FGGY: variants seen among roughly 807,000 people sequenced by gnomAD.
FGGY encodes FGGY carbohydrate kinase domain-containing protein.
Under a neutral mutation model 71.3 loss-of-function variants are expected in FGGY, and 72 were observed. The observed-to-expected ratio is 1.01, with a 90% CI of 0.84 to 1.23. The LOEUF is 1.23. Ranked by LOEUF, FGGY falls within the 50% of genes most tolerant of loss-of-function variation. The pLI is 0.00. For synonymous variants in FGGY, 251 were observed against 250.3 expected (o/e 1.00, Z -0.02); for missense variants, 668 against 682.3 (o/e 0.98, Z 0.23).
intron 7 of FGGY, among the ~76,000 whole-genome samples, chr1:59,527,002 G>A (rs914781166): frequency 1.3e-5 from 2 of 152,174 alleles, no homozygotes; most frequent in African/African-American, 2.4e-5. Context: ...GAATGTAAAA[G>A]GCCTTAAATT....
At chr1:59,627,412 A>C (rs2096866753) in intron 10 of FGGY, among the ~76,000 whole-genome samples, 1 of 144,976 alleles carries the variant, frequency 6.9e-6, no homozygotes, top group African/African-American at 2.5e-5. Context: ...GAAAAGGAGA[A>C]GGTTAGAATG....
intron 6 of FGGY, among the ~76,000 whole-genome samples, chr1:59,459,963 C>A (rs946687913): frequency 4.6e-5 from 7 of 152,012 alleles, no homozygotes; most frequent in South Asian, 4.2e-4. Flanking sequence ...TTATTTGGGA[C>A]CAGGGAAGCC....
chr1:59,580,391 G>A (rs979179081), intron 8 of FGGY, among the ~76,000 whole-genome samples: 14 of 151,944 alleles, frequency 9.2e-5, no homozygotes, highest in Admixed American at 2.0e-4. Flanking sequence ...TTTACCCCCC[G>A]CCTTGTTACA....
chr1:59,727,147 G>C (rs576113341), intron 14 of FGGY, among the ~76,000 whole-genome samples: 1 of 152,220 alleles, frequency 6.6e-6, no homozygotes, highest in East Asian at 1.9e-4. Flanking sequence ...GTGGTATTTG[G>C]TTTTCTGTTC....
At chr1:59,305,491 A>G (rs2043312065) in intron 1 of FGGY, among the ~76,000 whole-genome samples, 1 of 152,072 alleles carries the variant, frequency 6.6e-6, no homozygotes, top group Non-Finnish European at 1.5e-5. Context: ...ATCTGTGTTC[A>G]TTGTGGATAT....
At chr1:59,325,710 G>T (rs1357101669) in intron 2 of FGGY, among the ~76,000 whole-genome samples, 1 of 152,188 alleles carries the variant, frequency 6.6e-6, no homozygotes, top group Non-Finnish European at 1.5e-5. Context: ...TAAAAACAAA[G>T]AGACAAAATC....
chr1:59,351,314 A>G (rs756878076), intron 4 of FGGY, among the ~76,000 whole-genome samples: 16 of 152,172 alleles, frequency 1.1e-4, no homozygotes, highest in Non-Finnish European at 2.2e-4. Flanking sequence ...TTTCACCTAC[A>G]GTGTTCTTCC....
chr1:59,420,414 G>T (rs1048214474), intron 5 of FGGY, among the ~76,000 whole-genome samples: 1 of 152,194 alleles, frequency 6.6e-6, no homozygotes, highest in African/African-American at 2.4e-5. Context: ...TACTTCCCAC[G>T]TGTTGTGAAA....
chr1:59,532,316 C>T (rs1178146330), intron 7 of FGGY, among the ~76,000 whole-genome samples: 1 of 151,750 alleles, frequency 6.6e-6, no homozygotes, highest in Non-Finnish European at 1.5e-5. Context: ...AGCCAGTATA[C>T]AAAAGGATGG....
chr1:59,588,359 A>C (rs374005141), intron 8 of FGGY, among the ~76,000 whole-genome samples: 8 of 152,056 alleles, frequency 5.3e-5, no homozygotes, highest in South Asian at 2.1e-4. Flanking sequence ...AACCAAGTTG[A>C]AAAACACTCT....
chr1:59,406,214 TCGCAGAAATGC>T (rs2062722505), intron 5 of FGGY, among the ~76,000 whole-genome samples: 1 of 151,734 alleles, frequency 6.6e-6, no homozygotes, highest in Admixed American at 6.6e-5. Context: ...TCACAGTCAT[TCGCAGAAATGC>T]TCAGAGAGGA....
At chr1:59,666,917 A>T (rs1310067840) in intron 12 of FGGY, among the ~76,000 whole-genome samples, 1 of 152,238 alleles carries the variant, frequency 6.6e-6, no homozygotes, top group African/African-American at 2.4e-5. Context: ...GTACTATTGC[A>T]ATCACTGCTA....
chr1:59,668,063 A>C (rs918321498), intron 13 of FGGY, among the ~76,000 whole-genome samples: 3 of 152,182 alleles, frequency 2.0e-5, no homozygotes, highest in African/African-American at 7.2e-5. Context: ...TTCTCAGCTC[A>C]TCAGAATCAG....
In FGGY at chr1:59,474,753, C is replaced by T. The variant is rs138264405; in HGVS notation, c.670+17677C>T. Among the ~76,000 whole-genome samples the T allele has an allele frequency of 5.6e-4, 86 of 152,218 alleles. 1 individual carries two copies. The highest frequency in any genetic ancestry group is 1.9e-3 in the African/African-American group (78 of 41,538). ...CCCTTAAGTGACTGATGTAGATAAA[C>T]GAGAATAAATAAGTAATAAGTTCAC... On this transcript the variant is annotated intron_variant, in intron 6 of 15. Transcript: ENST00000303721.
chr1:59,475,834 C>A (rs915070096), intron 6 of FGGY, among the ~76,000 whole-genome samples: 1 of 152,196 alleles, frequency 6.6e-6, no homozygotes, highest in Non-Finnish European at 1.5e-5. Flanking sequence ...CTCTGATAAT[C>A]CATTCTCCAC....
rs772540010 is a variant in FGGY, at chr1:59,378,810, C to T, written c.527C>T (p.Ser176Leu). The T allele has an allele frequency of 1.1e-5, 17 of 1,613,274 alleles. No individual in the cohort carries two copies. The highest frequency in any genetic ancestry group is 8.0e-5 in the African/African-American group (6 of 74,854). ...TTCTTTGATCTCCCGGACTTCTTAT[C>T]GTGGAAGGCAACAGGTGTCACAGCA... ...GHFFDLPDFL[S>L]WKATGVTARS... The change falls in exon 5 of 16, where the codon TCG becomes TTG. Residue 176 changes from serine (S) to leucine (L), a missense_variant. This residue lies in a region of FGGY where 661 missense variants were observed against 661.6 expected (regional missense o/e 1.00). Transcript: ENST00000303721.
chr1:59,554,289 C>T (rs1571195998), intron 8 of FGGY, 62 bp downstream of exon 8: 1 of 1,310,864 alleles, frequency 7.6e-7, no homozygotes, highest in Admixed American at 1.8e-5. Flanking sequence ...GGAAGGAGAC[C>T]CTGAGTGCTG....
At chr1:59,455,710 A>T (rs1251992365) in intron 5 of FGGY, among the ~76,000 whole-genome samples, 1 of 152,232 alleles carries the variant, frequency 6.6e-6, no homozygotes, top group Non-Finnish European at 1.5e-5. Flanking sequence ...CCAGCATGAT[A>T]AGGGCTATGG....
intron 14 of FGGY, among the ~76,000 whole-genome samples, chr1:59,737,655 C>T (rs573727242): frequency 2.0e-4 from 30 of 152,322 alleles, no homozygotes; most frequent in Admixed American, 1.4e-3. Context: ...AATGCCTGTA[C>T]CCCCATTGTA....
Sources: allele counts gnomAD v4.1 joint callset (sites outside exome capture counted in the v4.1 genomes callset), GRCh38; gene constraint gnomAD v4.1.1; regional missense constraint gnomAD v4.1.1; transcripts MANE v1.5; gene names NCBI Gene and HGNC (gene_info 2026-07-23, HGNC 2026-07-21).